RAF1: variants seen among roughly 807,000 people sequenced by gnomAD.
RAF1 encodes Raf-1 proto-oncogene, serine/threonine kinase, also known as RAF proto-oncogene serine/threonine-protein kinase.
A neutral mutation model predicts 81.1 loss-of-function variants in RAF1; 27 were observed. The observed-to-expected ratio is 0.33, with a 90% CI of 0.25 to 0.46. The LOEUF (loss-of-function observed/expected upper bound fraction) is 0.46, where lower values mean the gene tolerates loss of function less well. RAF1 is among the 20% of genes least tolerant of loss of function. The pLI, the probability that RAF1 is intolerant of heterozygous loss-of-function variation, is 1.00. For missense variants in RAF1, 598 were observed against 826.0 expected (o/e 0.72, Z 3.38); for synonymous variants, 298 against 294.0 (o/e 1.01, Z -0.14).
At chr3:12,639,322 T>C (rs1157306452) in intron 1 of RAF1, among the ~76,000 whole-genome samples, 2 of 152,184 alleles carry the variant, frequency 1.3e-5, no homozygotes, top group South Asian at 2.1e-4. Flanking sequence ...CAGATAGGGA[T>C]GCCCTCTCTC....
intron 1 of RAF1, among the ~76,000 whole-genome samples, chr3:12,639,929 G>C (rs2060134119): frequency 6.6e-6 from 1 of 152,120 alleles, no homozygotes; most frequent in Non-Finnish European, 1.5e-5. Flanking sequence ...TAAGCAAAAA[G>C]AACAAAGCTG....
chr3:12,644,136 G>A (rs1213890712), intron 1 of RAF1, among the ~76,000 whole-genome samples: 1 of 152,106 alleles, frequency 6.6e-6, no homozygotes, highest in Non-Finnish European at 1.5e-5. Flanking sequence ...TTATTAGGGA[G>A]CAGCACACAT....
chr3:12,657,559 G>T (rs899013856), intron 1 of RAF1, among the ~76,000 whole-genome samples: 2 of 152,056 alleles, frequency 1.3e-5, no homozygotes, highest in Non-Finnish European at 2.9e-5. Context: ...ATTACCTGAG[G>T]TCGGGAGTTC....
Position 12,590,704 on chromosome 3 carries a change from C to T in RAF1, c.1430+94G>A, listed in dbSNP as rs752793650. The T allele has an allele frequency of 4.3e-4, 590 of 1,374,956 alleles. 1 individual carries two copies. The highest frequency in any genetic ancestry group is 1.3e-3 in the Admixed American group (79 of 59,126). 85.2% of individuals were successfully genotyped at this position (1,374,956 alleles called of 1,614,324 possible). ...CTTGTGCAAAGATATCACAGAATCG[C>T]TTAATGGACTAGAAGGCTTTTCCTG... On this transcript the variant is annotated intron_variant, in intron 13 of 17. Transcript: ENST00000442415.
intron 5 of RAF1, 104 bp from the exon 6 acceptor site, chr3:12,606,403 T>C (rs1384269429): frequency 2.9e-5 from 23 of 781,298 alleles, no homozygotes; most frequent in Non-Finnish European, 4.7e-5. Context: ...AAACTGAACT[T>C]TTCCCAGTCA....
At chr3:12,658,569 T>A (rs2060772820) in intron 1 of RAF1, among the ~76,000 whole-genome samples, 1 of 152,002 alleles carries the variant, frequency 6.6e-6, no homozygotes, top group Non-Finnish European at 1.5e-5. Context: ...GCCACTGCAC[T>A]CCAGCCTGGG....
intron 3 of RAF1, among the ~76,000 whole-genome samples, chr3:12,610,971 A>G (rs189846830): frequency 2.8e-4 from 42 of 152,254 alleles, no homozygotes; most frequent in Admixed American, 1.3e-3. Flanking sequence ...TAAACAATCT[A>G]TCAAACAGCA....
chr3:12,661,277 C>T (rs1354250042), intron 1 of RAF1, among the ~76,000 whole-genome samples: 1 of 151,934 alleles, frequency 6.6e-6, no homozygotes, highest in African/African-American at 2.4e-5. Flanking sequence ...GGTTGTTATC[C>T]GAGAAGTCAA....
At chr3:12,598,725 C>CAAAAAAAAAAAAAAAAAAAAAAAAAAA (rs59472802) in intron 11 of RAF1, among the ~76,000 whole-genome samples, 7 of 61,994 alleles carry the variant, frequency 1.1e-4, no homozygotes, top group Admixed American at 2.0e-4. Flanking sequence ...GAATCTATCT[C>CAAAAAAAAAAAAAAAAAAAAAAAAAAA]AAAAAAAAAA....
At chr3:12,620,460 A>G (rs984740827) in intron 1 of RAF1, among the ~76,000 whole-genome samples, 3 of 151,916 alleles carry the variant, frequency 2.0e-5, no homozygotes, top group African/African-American at 7.3e-5. Context: ...TCCTCCATCC[A>G]CACTTTCTTT....
rs546136034 is a variant in RAF1, at chr3:12,662,173, A to T, written c.-27+1640T>A. ...AACACTGCCAGACTCCATCTCTACT[A>T]TTTTTTTTTTAATTAGCCATGTGTG... is the stretch of plus-strand genomic sequence containing the variant. On this transcript the variant is annotated intron_variant, in intron 1 of 17. Transcript: ENST00000442415. 5.4e-3 allele frequency among the ~76,000 whole-genome samples: 803 copies of T among 147,964 alleles called. 1 individual carries two copies. Among genetic ancestry groups the T allele is most frequent in the South Asian group, 0.013 (60 of 4,644 alleles).
intron 1 of RAF1, among the ~76,000 whole-genome samples, chr3:12,622,162 C>T (rs918323030): frequency 6.6e-6 from 1 of 152,112 alleles, no homozygotes; most frequent in African/African-American, 2.4e-5. Context: ...CATACAGCTC[C>T]TCTTTTTTCT....
intron 1 of RAF1, among the ~76,000 whole-genome samples, chr3:12,621,672 C>A (rs538646676): frequency 1.3e-5 from 2 of 152,304 alleles, no homozygotes; most frequent in South Asian, 4.1e-4. Flanking sequence ...CATGTGTAAG[C>A]ATATTCCTTG....
At position 12,662,133 on chromosome 3, in the gene RAF1, G is replaced by C. The variant is rs373939267; in HGVS notation, c.-27+1680C>G. 9.3e-5 allele frequency among the ~76,000 whole-genome samples: 14 copies of C among 151,256 alleles called. No homozygotes were observed. In the East Asian group the frequency reaches 2.0e-3, roughly 21 times the overall value. On this transcript the variant is annotated intron_variant, in intron 1 of 17. Transcript: ENST00000442415. ...GAGGATCGCCTGAGCCCAGGAGTTT[G>C]AGACCAGCCTAGGCAACACTGCCAG...
intron 1 of RAF1, among the ~76,000 whole-genome samples, chr3:12,633,211 C>A (rs2059913341): frequency 6.6e-6 from 1 of 151,914 alleles, no homozygotes; most frequent in African/African-American, 2.4e-5. Flanking sequence ...GAGAAAAAAA[C>A]CCACAATGGC....
intron 2 of RAF1, among the ~76,000 whole-genome samples, chr3:12,616,782 A>T (rs2059380092): frequency 6.6e-6 from 1 of 152,182 alleles, no homozygotes; most frequent in South Asian, 2.1e-4. Context: ...ATTTTACACA[A>T]AGAACAGAGG....
intron 11 of RAF1, among the ~76,000 whole-genome samples, chr3:12,593,120 T>C (rs2058572239): frequency 6.7e-6 from 1 of 148,898 alleles, no homozygotes; most frequent in Admixed American, 6.7e-5. Flanking sequence ...AGATGGAGAC[T>C]CGCTCTGTTA....
rs147547744 is a variant in RAF1, at chr3:12,590,854, G to T, written c.1374C>A (p.Thr458=). 12 of 1,613,940 alleles carry T rather than the reference G, an allele frequency of 7.4e-6. No individual in the cohort carries two copies. The highest frequency in any genetic ancestry group is 9.3e-6 in the Non-Finnish European group (11 of 1,179,852). ...CAATTAGCTGGAACATCTGAAACTT[G>T]GTCTCCTGGACATGCAGGTGTTTGT... The change falls in exon 13 of 18, where the codon ACC becomes ACA. Residue 458 remains threonine (T), a synonymous_variant. Transcript: ENST00000442415.
intron 1 of RAF1, among the ~76,000 whole-genome samples, chr3:12,631,716 C>T (rs1051730186): frequency 2.6e-5 from 4 of 152,164 alleles, no homozygotes; most frequent in Admixed American, 6.6e-5. Flanking sequence ...GAACACCCAC[C>T]ACAGGAGATG....
Sources: allele counts gnomAD v4.1 joint callset (sites outside exome capture counted in the v4.1 genomes callset), GRCh38; gene constraint gnomAD v4.1.1; transcripts MANE v1.5; gene names NCBI Gene and HGNC (gene_info 2026-07-23, HGNC 2026-07-21).